Variants in RHOBTB1 observed in about 807,000 individuals in gnomAD.
The protein encoded by RHOBTB1 is rho-related BTB domain-containing protein 1.
RHOBTB1 carries 40 observed loss-of-function variants against 71.6 expected under a neutral mutation model. The ratio of observed to expected loss-of-function variants is 0.56; its 90% CI spans 0.43 to 0.73. The LOEUF is 0.73. Among genes scored for constraint, RHOBTB1 ranks in the 30% least tolerant of loss-of-function variants. The pLI is 0.00. For synonymous variants in RHOBTB1, 319 were observed against 334.9 expected, an observed-to-expected ratio of 0.95 and a Z score of 0.52; for missense variants, 797 against 894.0, an observed-to-expected ratio of 0.89 and a Z score of 1.38.
chr10:60,931,142 T>C (rs2084224340), intron 2 of RHOBTB1, among the ~76,000 whole-genome samples: 1 of 152,140 alleles, frequency 6.6e-6, no homozygotes, highest in South Asian at 2.1e-4. Flanking sequence ...GATTCCAAAT[T>C]TTCTACAATG....
chr10:60,926,698 C>A (rs1589327324), intron 2 of RHOBTB1, among the ~76,000 whole-genome samples: 1 of 152,080 alleles, frequency 6.6e-6, no homozygotes, highest in South Asian at 2.1e-4. Flanking sequence ...GATAAAAATT[C>A]CCAAAAACCT....
chr10:60,996,514 T>C (rs941649460), intron 1 of RHOBTB1, among the ~76,000 whole-genome samples: 4 of 152,278 alleles, frequency 2.6e-5, no homozygotes, highest in South Asian at 2.1e-4. Flanking sequence ...CCATTGTAGA[T>C]GACCTGATGT....
intron 2 of RHOBTB1, among the ~76,000 whole-genome samples, chr10:60,950,243 A>G (rs993215556): frequency 5.9e-5 from 9 of 152,234 alleles, no homozygotes; most frequent in Non-Finnish European, 1.0e-4. Flanking sequence ...TATAATGTGT[A>G]TCTTTGACAT....
intron 2 of RHOBTB1, among the ~76,000 whole-genome samples, chr10:60,925,891 A>G (rs1247113511): frequency 6.6e-6 from 1 of 152,194 alleles, no homozygotes; most frequent in African/African-American, 2.4e-5. Flanking sequence ...GACCAATAGC[A>G]AGTAACCAGA....
At chr10:60,881,796 G>A (rs781156694) in intron 7 of RHOBTB1, among the ~76,000 whole-genome samples, 5 of 152,044 alleles carry the variant, frequency 3.3e-5, no homozygotes, top group Admixed American at 6.6e-5. Flanking sequence ...AACTATTTCC[G>A]GCTGCAGCAG....
chr10:60,879,709 A>G (rs2081222729), intron 7 of RHOBTB1, among the ~76,000 whole-genome samples: 1 of 152,046 alleles, frequency 6.6e-6, no homozygotes, highest in Non-Finnish European at 1.5e-5. Flanking sequence ...ATATATATCT[A>G]TATATTATGT....
rs370168844 is a variant in RHOBTB1 at position 60,912,012 on chromosome 10, T to C, written c.-10-460A>G. Among the ~76,000 whole-genome samples the C allele has an allele frequency of 6.2e-4, 95 of 152,238 alleles. No individual in the cohort carries two copies. The Middle Eastern group carries it at 0.017, about 27-fold the overall frequency. ...CATCACAAGATCGCTCATTAGCCAA[T>C]ATCTGTTGTTGAAAAGCAGTTTTCT... is the stretch of plus-strand genomic sequence containing the variant. On this transcript the variant is annotated intron_variant, in intron 2 of 10. Coordinates refer to ENST00000337910, the MANE Select transcript of RHOBTB1 (RefSeq NM_014836.5).
At chr10:60,991,810 C>T (rs937323838) in intron 1 of RHOBTB1, among the ~76,000 whole-genome samples, 3 of 152,044 alleles carry the variant, frequency 2.0e-5, no homozygotes, top group Admixed American at 6.5e-5. Context: ...TGTGTATGCC[C>T]GGTCTAGTTG....
In RHOBTB1 at chr10:60,961,811, GTT is replaced by G. The variant is rs58771689; in HGVS notation, c.-61-19959_-61-19958del. On this transcript the variant is annotated intron_variant, in intron 2 of 11. Coordinates refer to the RHOBTB1 transcript ENST00000357917. ...CAGTGGTGATTTATAACCTTTTTTT[GTT>G]TTTTTTTTTTTTTGAGACAGAGTTT... Among the ~76,000 whole-genome samples, 734 of 127,178 alleles carry G rather than the reference GTT, an allele frequency of 5.8e-3. 2 individuals are homozygous for G. Among genetic ancestry groups the G allele is most frequent in the East Asian group, 0.016 (67 of 4,162 alleles). The allele number at this position is 127,178 out of a possible 152,430, so 83.4% of individuals were successfully genotyped here.
At chr10:60,872,690 T>C (rs548001702) in intron 9 of RHOBTB1, among the ~76,000 whole-genome samples, 1 of 152,218 alleles carries the variant, frequency 6.6e-6, no homozygotes, top group Admixed American at 6.5e-5. Context: ...TCGTGTCGCA[T>C]GTCAGAGCTC....
intron 2 of RHOBTB1, among the ~76,000 whole-genome samples, chr10:60,922,188 C>T (rs762436206): frequency 2.6e-5 from 4 of 152,160 alleles, no homozygotes; most frequent in South Asian, 2.1e-4. Context: ...GTCACTACTT[C>T]GCTGGAAAAG....
rs769684346 is a variant in RHOBTB1, at chr10:60,871,546, G to A, written c.2027C>T (p.Ala676Val). The A allele has an allele frequency of 9.3e-6, 15 of 1,613,914 alleles. No individual in the cohort carries two copies. The highest frequency in any genetic ancestry group is 1.2e-5 in the Non-Finnish European group (14 of 1,179,992). The change falls in exon 11 of 11, where the codon GCA becomes GTA. Residue 676 changes from alanine to valine, a missense_variant. Coordinates refer to ENST00000337910, the MANE Select transcript of RHOBTB1 (RefSeq NM_014836.5). ...VKREREKEDI[A>V]LNKHRSRRKW... ...TCGTCTTGAGCGATGCTTATTTAGT[G>A]CAATATCTTCCTTCTCTCGTTCCCT...
intron 1 of RHOBTB1, among the ~76,000 whole-genome samples, chr10:60,987,433 G>A (rs2086703429): frequency 6.6e-6 from 1 of 152,026 alleles, no homozygotes; most frequent in Non-Finnish European, 1.5e-5. Flanking sequence ...TCAACACTTG[G>A]CATCATCTTC....
chr10:60,861,532 T>A, the RHOBTB1 span, among the ~76,000 whole-genome samples: 10 of 152,268 alleles, frequency 6.6e-5, no homozygotes, highest in African/African-American at 2.2e-4. Flanking sequence ...TCTTAATCTT[T>A]TCATGGCTTT....
intron 4 of RHOBTB1, among the ~76,000 whole-genome samples, chr10:60,904,987 A>G (rs184883340): frequency 5.3e-5 from 8 of 152,320 alleles, no homozygotes; most frequent in Admixed American, 1.3e-4. Flanking sequence ...TTACTTTTCC[A>G]TAAAAAGCAC....
chr10:60,965,590 A>G (rs1403325797), intron 2 of RHOBTB1, among the ~76,000 whole-genome samples: 1 of 152,112 alleles, frequency 6.6e-6, no homozygotes, highest in Non-Finnish European at 1.5e-5. Context: ...TTTGATTCTA[A>G]GGTAGTATTT....
At chr10:60,913,060 T>A (rs2083075895) in intron 2 of RHOBTB1, 1 of 152,230 alleles carries the variant, frequency 6.6e-6, no homozygotes, top group Non-Finnish European at 1.5e-5. Flanking sequence ...AGTGTTTGTT[T>A]AATTCATCTG....
intron 2 of RHOBTB1, among the ~76,000 whole-genome samples, chr10:60,957,127 A>C (rs941169143): frequency 1.3e-5 from 2 of 152,218 alleles, no homozygotes; most frequent in Non-Finnish European, 2.9e-5. Context: ...ATACCTCCTG[A>C]AAGACCAGCC....
At chr10:60,861,099 G>C in the RHOBTB1 span, among the ~76,000 whole-genome samples, 27,451 of 152,024 alleles carry the variant, frequency 0.18, 2,747 homozygotes, top group African/African-American at 0.27. Context: ...ATAATTGGCA[G>C]CACACTGGTG....
Sources: allele counts gnomAD v4.1 joint callset (sites outside exome capture counted in the v4.1 genomes callset), GRCh38; gene constraint gnomAD v4.1.1; transcripts MANE v1.5; gene names NCBI Gene and HGNC (gene_info 2026-07-23, HGNC 2026-07-21).